The following CCDC148 variants were observed in gnomAD, a reference collection of about 807,000 sequenced individuals.
The protein encoded by CCDC148 is coiled-coil domain-containing protein 148.
In CCDC148, 89 loss-of-function variants were observed where a neutral mutation model predicts 85.7. The observed-to-expected ratio is 1.04, with a 90% confidence interval of 0.87 to 1.24. The LOEUF (loss-of-function observed/expected upper bound fraction) is 1.24, where lower values mean the gene tolerates loss of function less well. Among genes scored for constraint, CCDC148 ranks in the 50% most tolerant of loss-of-function variants. The probability of loss-of-function intolerance (pLI) is 0.00; values close to 1 mark genes in which losing one functional copy is unlikely to be tolerated. For synonymous variants in CCDC148, 230 were observed against 213.9 expected (o/e 1.08, Z -0.66); for missense variants, 692 against 671.7 (o/e 1.03, Z -0.33).
chr2:158,345,791 C>T (rs1266008058), intron 2 of CCDC148, among the ~76,000 whole-genome samples: 1 of 151,994 alleles, frequency 6.6e-6, no homozygotes, highest in Non-Finnish European at 1.5e-5. Context: ...TAACAAAGAA[C>T]CTTGATGTTT....
chr2:158,256,687 T>C (rs1456794989), intron 9 of CCDC148, among the ~76,000 whole-genome samples: 3 of 151,878 alleles, frequency 2.0e-5, no homozygotes, highest in East Asian at 3.9e-4. Context: ...GTTAAACACA[T>C]GGTATGATGT....
At chr2:158,185,350 C>T (rs1236301762) in intron 11 of CCDC148, among the ~76,000 whole-genome samples, 4 of 151,984 alleles carry the variant, frequency 2.6e-5, no homozygotes, top group South Asian at 2.1e-4. Flanking sequence ...GGCTACTGGC[C>T]GATATTTAAA....
chr2:158,206,756 A>G (rs1410740268), intron 11 of CCDC148, among the ~76,000 whole-genome samples: 1 of 152,184 alleles, frequency 6.6e-6, no homozygotes, highest in South Asian at 2.1e-4. Context: ...TCCCTGAAAA[A>G]TTGTTGGAAT....
chr2:158,217,002 A>G (rs1433606215), intron 11 of CCDC148, among the ~76,000 whole-genome samples: 1 of 152,134 alleles, frequency 6.6e-6, no homozygotes, highest in African/African-American at 2.4e-5. Flanking sequence ...TCACACAGCT[A>G]TAAAGGATAG....
At chr2:158,343,134 C>T (rs1475034380) in intron 3 of CCDC148, among the ~76,000 whole-genome samples, 1 of 152,138 alleles carries the variant, frequency 6.6e-6, no homozygotes, top group Non-Finnish European at 1.5e-5. Context: ...ATCCTCCTGC[C>T]TCAGCCTCCC....
intron 1 of CCDC148, among the ~76,000 whole-genome samples, chr2:158,418,659 C>A (rs1359696192): frequency 3.8e-5 from 2 of 51,974 alleles, no homozygotes; most frequent in Non-Finnish European, 1.5e-4. Context: ...CAATCCCCAA[C>A]TGTTTTTTTT....
chr2:158,420,518 T>A (rs559946013), intron 1 of CCDC148, among the ~76,000 whole-genome samples: 17 of 152,180 alleles, frequency 1.1e-4, no homozygotes, highest in Admixed American at 8.5e-4. Flanking sequence ...AATAAAATCC[T>A]TTACAGACAA....
chr2:158,314,822 A>G (rs967581270), intron 7 of CCDC148, among the ~76,000 whole-genome samples: 4 of 152,224 alleles, frequency 2.6e-5, no homozygotes, highest in Admixed American at 6.5e-5. Flanking sequence ...TATTTCTACT[A>G]TATCAATGGT....
chr2:158,196,006 T>G (rs1485863481), intron 11 of CCDC148, among the ~76,000 whole-genome samples: 3 of 152,140 alleles, frequency 2.0e-5, no homozygotes, highest in Non-Finnish European at 4.4e-5. Context: ...TGGGACTTAC[T>G]CACATGATTT....
chr2:158,372,425 A>G (rs1284785526), intron 1 of CCDC148, among the ~76,000 whole-genome samples: 1 of 152,026 alleles, frequency 6.6e-6, no homozygotes, highest in African/African-American at 2.4e-5. Context: ...TCCATAAAGA[A>G]AGAATAATGA....
chr2:158,281,703 G>T (rs1313416026), intron 9 of CCDC148, among the ~76,000 whole-genome samples: 1 of 152,144 alleles, frequency 6.6e-6, no homozygotes, highest in African/African-American at 2.4e-5. Context: ...GAGGTGCAAG[G>T]AGGAACTGGT....
At chr2:158,433,087 A>ATATAT (rs1242018411) in intron 1 of CCDC148, among the ~76,000 whole-genome samples, 34 of 51,606 alleles carry the variant, frequency 6.6e-4, no homozygotes, top group Non-Finnish European at 8.3e-4. Context: ...AAAAAAAAAA[A>ATATAT]AAAAATATAT....
intron 1 of CCDC148, among the ~76,000 whole-genome samples, chr2:158,448,345 A>ATT (rs145406168): frequency 1.4e-5 from 2 of 147,748 alleles, no homozygotes; most frequent in African/African-American, 2.5e-5. Flanking sequence ...TTTCCATTTT[A>ATT]TTTTTTTTTT....
At chr2:158,345,377 A>G in intron 2 of CCDC148, 59 bp from the exon 3 acceptor site, 4 of 1,146,058 alleles carry the variant, frequency 3.5e-6, no homozygotes, top group South Asian at 1.4e-5. Context: ...TGTTTTTCAC[A>G]ACAGAAATGC....
chr2:158,287,471 C>T (rs1690680846), intron 9 of CCDC148, among the ~76,000 whole-genome samples: 1 of 152,116 alleles, frequency 6.6e-6, no homozygotes, highest in Non-Finnish European at 1.5e-5. Context: ...GGGGTACAGG[C>T]ATTGAGTAAA....
At chr2:158,306,893 C>T (rs1029296526) in intron 9 of CCDC148, among the ~76,000 whole-genome samples, 3 of 150,536 alleles carry the variant, frequency 2.0e-5, no homozygotes, top group African/African-American at 7.3e-5. Flanking sequence ...GTTGCAGGCA[C>T]CTGTAGTCCC....
chr2:158,322,772 A>G (rs141464575), intron 7 of CCDC148, among the ~76,000 whole-genome samples: 18 of 152,246 alleles, frequency 1.2e-4, no homozygotes, highest in Admixed American at 1.1e-3. Context: ...GTACATACAG[A>G]GGAGAAAATT....
Position 158,220,690 on chromosome 2 carries a change from T to C in CCDC148, c.1275A>G (p.Lys425=). The change falls in exon 11 of 14, where the codon AAA becomes AAG. Residue 425 remains lysine, a synonymous_variant. Transcript: ENST00000283233. ...KKKIKKYWAK[K]KQKWQEMEMR... ...TTTCCATTTCTTGCCACTTCTGTTT[T>C]TTCTTGGCCCAGTATTTTTTTATCT... 1 of 1,585,726 alleles carries C rather than the reference T, an allele frequency of 6.3e-7. No homozygotes were observed.
intron 1 of CCDC148, among the ~76,000 whole-genome samples, chr2:158,425,728 C>T (rs1687046222): frequency 6.6e-6 from 1 of 152,122 alleles, no homozygotes. Flanking sequence ...CACAGTGACA[C>T]CCTGTTTCCC....
Sources: allele counts gnomAD v4.1 joint callset (sites outside exome capture counted in the v4.1 genomes callset), GRCh38; gene constraint gnomAD v4.1.1; transcripts MANE v1.5; gene names NCBI Gene and HGNC (gene_info 2026-07-23, HGNC 2026-07-21).